SPOCK1: variants seen among roughly 807,000 people sequenced by gnomAD.
The protein encoded by SPOCK1 is testican-1.
Under a neutral mutation model 55.3 loss-of-function variants are expected in SPOCK1, and 23 were observed. That is an observed-to-expected ratio of 0.42 (90% CI 0.30 to 0.59). The LOEUF (loss-of-function observed/expected upper bound fraction) is 0.59, where lower values mean the gene tolerates loss of function less well. SPOCK1 is among the 20% of genes least tolerant of loss of function. The pLI is 0.22. For synonymous variants in SPOCK1, 226 were observed against 221.0 expected, an observed-to-expected ratio of 1.02 and a Z score of -0.20; for missense variants, 499 against 552.5, an observed-to-expected ratio of 0.90 and a Z score of 0.97.
At chr5:137,018,090 A>G (rs1376477864) in intron 6 of SPOCK1, among the ~76,000 whole-genome samples, 1 of 152,198 alleles carries the variant, frequency 6.6e-6, no homozygotes, top group African/African-American at 2.4e-5. Flanking sequence ...ATGTGTGGAG[A>G]CACTTTTGTC....
chr5:137,195,527 G>C (rs1755280608), intron 3 of SPOCK1, among the ~76,000 whole-genome samples: 1 of 152,262 alleles, frequency 6.6e-6, no homozygotes, highest in Non-Finnish European at 1.5e-5. Context: ...AGCAGAGGAA[G>C]ATGTGGGAGC....
chr5:137,309,820 T>G (rs1336386022), intron 2 of SPOCK1, among the ~76,000 whole-genome samples: 1 of 152,018 alleles, frequency 6.6e-6, no homozygotes, highest in African/African-American at 2.4e-5. Context: ...GTATCATGCC[T>G]CCCAAGTAGG....
At chr5:137,391,972 C>T (rs556144240) in intron 2 of SPOCK1, among the ~76,000 whole-genome samples, 36 of 152,238 alleles carry the variant, frequency 2.4e-4, no homozygotes, top group Admixed American at 1.1e-3. Context: ...CCTGAAACTG[C>T]CCTCTCCAAC....
intron 3 of SPOCK1, among the ~76,000 whole-genome samples, chr5:137,178,120 A>G (rs566458178): frequency 6.6e-6 from 1 of 152,304 alleles, no homozygotes; most frequent in East Asian, 1.9e-4. Flanking sequence ...TGCAAGTGAC[A>G]CTTCCTCCAA....
intron 6 of SPOCK1, among the ~76,000 whole-genome samples, chr5:137,057,046 T>C (rs895584303): frequency 7.9e-5 from 12 of 152,160 alleles, no homozygotes; most frequent in African/African-American, 2.9e-4. Context: ...TCCTCTCTAC[T>C]AATATCACTG....
intron 3 of SPOCK1, among the ~76,000 whole-genome samples, chr5:137,215,476 G>A (rs900067548): frequency 1.3e-5 from 2 of 152,178 alleles, no homozygotes; most frequent in Non-Finnish European, 2.9e-5. Flanking sequence ...TCTTCAATGA[G>A]AATTAGAACA....
At chr5:137,239,482 C>T (rs1756242985) in intron 3 of SPOCK1, among the ~76,000 whole-genome samples, 1 of 152,118 alleles carries the variant, frequency 6.6e-6, no homozygotes, top group Non-Finnish European at 1.5e-5. Context: ...TGTGGGAACT[C>T]CTGAATGTAT....
chr5:137,055,384 G>C (rs543235373), intron 6 of SPOCK1, among the ~76,000 whole-genome samples: 1 of 152,108 alleles, frequency 6.6e-6, no homozygotes, highest in Admixed American at 6.6e-5. Flanking sequence ...ACCCTCTGGG[G>C]GTATTGTTTT....
chr5:137,304,687 C>T (rs529574470), intron 2 of SPOCK1, among the ~76,000 whole-genome samples: 1 of 152,146 alleles, frequency 6.6e-6, no homozygotes, highest in Non-Finnish European at 1.5e-5. Context: ...GAGCAAGACC[C>T]CCTGCTGCTC....
At chr5:137,269,184 C>T (rs1434642) in intron 2 of SPOCK1, among the ~76,000 whole-genome samples, 9,252 of 152,262 alleles carry the variant, frequency 0.061, 462 homozygotes, top group African/African-American at 0.14. Context: ...GCAAATGTAA[C>T]AATACTGCCT....
chr5:137,004,377 A>T (rs1751204717), intron 6 of SPOCK1, among the ~76,000 whole-genome samples: 1 of 152,056 alleles, frequency 6.6e-6, no homozygotes, highest in Non-Finnish European at 1.5e-5. Context: ...TGTACGACTT[A>T]CTACTCTTCT....
At chr5:137,464,662 C>A (rs192919756) in intron 2 of SPOCK1, among the ~76,000 whole-genome samples, 1 of 151,816 alleles carries the variant, frequency 6.6e-6, no homozygotes, top group African/African-American at 2.4e-5. Flanking sequence ...CCACTCACCA[C>A]AATGAGAAGC....
intron 2 of SPOCK1, among the ~76,000 whole-genome samples, chr5:137,360,404 G>A (rs1380513893): frequency 6.6e-6 from 1 of 152,190 alleles, no homozygotes; most frequent in Non-Finnish European, 1.5e-5. Context: ...TCGCCAGAAG[G>A]CAGACAGGAT....
intron 2 of SPOCK1, among the ~76,000 whole-genome samples, chr5:137,276,130 C>T (rs1331740643): frequency 1.3e-5 from 2 of 152,228 alleles, no homozygotes; most frequent in South Asian, 4.1e-4. Flanking sequence ...TGCCCCAGCA[C>T]CTGCTGAGCC....
chr5:137,364,155 C>T (rs1442607858), intron 2 of SPOCK1, among the ~76,000 whole-genome samples: 1 of 152,216 alleles, frequency 6.6e-6, no homozygotes, highest in Non-Finnish European at 1.5e-5. Flanking sequence ...CAGCCTGCCC[C>T]TTCACAGGCC....
At chr5:137,023,721 T>A (rs1780876882) in intron 6 of SPOCK1, among the ~76,000 whole-genome samples, 1 of 151,236 alleles carries the variant, frequency 6.6e-6, no homozygotes, top group Non-Finnish European at 1.5e-5. Context: ...CGAGAGGAAA[T>A]GCCAATTCTT....
chr5:137,212,703 C>T (rs1363710492), intron 3 of SPOCK1, among the ~76,000 whole-genome samples: 3 of 152,174 alleles, frequency 2.0e-5, no homozygotes, highest in African/African-American at 7.2e-5. Context: ...AGACTTAGTC[C>T]TTTCAAAATG....
At chr5:137,356,518 G>A (rs377090934) in intron 2 of SPOCK1, among the ~76,000 whole-genome samples, 10 of 151,602 alleles carry the variant, frequency 6.6e-5, no homozygotes, top group South Asian at 2.1e-4. Flanking sequence ...GGCAGGGTGC[G>A]GTGGTTCAGG....
intron 6 of SPOCK1, among the ~76,000 whole-genome samples, chr5:137,000,852 T>C (rs944269720): frequency 6.6e-6 from 1 of 151,986 alleles, no homozygotes. Flanking sequence ...CTGGCCAACA[T>C]GGTGAAACCC....
Sources: gnomAD v4.1 joint callset for allele counts (sites outside exome capture counted in the v4.1 genomes callset) on GRCh38, gnomAD v4.1.1 for gene constraint, MANE v1.5 for transcripts, NCBI Gene and HGNC (gene_info 2026-07-23, HGNC 2026-07-21) for gene names.